RAI1: variants seen among roughly 807,000 people sequenced by gnomAD.
RAI1 encodes the protein retinoic acid induced 1, also known as retinoic acid-induced protein 1.
RAI1 carries 9 observed loss-of-function variants against 123.8 expected under a neutral mutation model. The ratio of observed to expected loss-of-function variants is 0.07; its 90% confidence interval spans 0.04 to 0.13. RAI1 has a LOEUF of 0.13. Among genes scored for constraint, RAI1 ranks in the 10% least tolerant of loss-of-function variants. The pLI is 1.00. For synonymous variants in RAI1, 1,231 were observed against 1,127.3 expected, an observed-to-expected ratio of 1.09 and a Z score of -1.84; for missense variants, 2,256 against 2,545.8, an observed-to-expected ratio of 0.89 and a Z score of 2.45.
chr17:17,725,653 C>G (rs569833042), intron 2 of RAI1, among the ~76,000 whole-genome samples: 1 of 152,034 alleles, frequency 6.6e-6, no homozygotes, highest in Admixed American at 6.5e-5. Context: ...GCTGGACTGG[C>G]GTTGCGGGGG....
chr17:17,741,941 C>T (rs140912689), intron 2 of RAI1, among the ~76,000 whole-genome samples: 26 of 152,364 alleles, frequency 1.7e-4, no homozygotes, highest in Middle Eastern at 6.8e-3. Flanking sequence ...TTTTATCAGA[C>T]GCTGCATATC....
chr17:17,707,251 C>G (rs545398593), intron 1 of RAI1, among the ~76,000 whole-genome samples: 3 of 152,194 alleles, frequency 2.0e-5, no homozygotes, highest in Non-Finnish European at 4.4e-5. Flanking sequence ...TTGAATCCAG[C>G]CTGGGTAACA....
At chr17:17,792,859 A>T in intron 2 of RAI1, 74 bp from the exon 3 acceptor site, 1 of 1,166,848 alleles carries the variant, frequency 8.6e-7, no homozygotes. Flanking sequence ...TGAATCGCTC[A>T]TCCTCTGCCC....
chr17:17,761,735 C>T (rs1053172209), intron 2 of RAI1, among the ~76,000 whole-genome samples: 2 of 152,082 alleles, frequency 1.3e-5, no homozygotes, highest in Non-Finnish European at 2.9e-5. Context: ...AATTTGGGAG[C>T]TGGGGAGGTG....
intron 2 of RAI1, among the ~76,000 whole-genome samples, chr17:17,773,421 T>A (rs1339783357): frequency 6.6e-6 from 1 of 152,114 alleles, no homozygotes; most frequent in Non-Finnish European, 1.5e-5. Context: ...GATGCCCTCC[T>A]CCATCCCTGC....
intron 2 of RAI1, among the ~76,000 whole-genome samples, chr17:17,765,631 G>A (rs780258839): frequency 1.9e-4 from 29 of 152,234 alleles, no homozygotes; most frequent in Non-Finnish European, 3.4e-4. Context: ...CCAGGTACAC[G>A]TGTGAGGAAT....
At chr17:17,699,205 G>T (rs948016234) in intron 1 of RAI1, among the ~76,000 whole-genome samples, 1 of 152,170 alleles carries the variant, frequency 6.6e-6, no homozygotes, top group Non-Finnish European at 1.5e-5. Context: ...GGCAGTATAT[G>T]TCTCCTCTTC....
intron 2 of RAI1, among the ~76,000 whole-genome samples, chr17:17,735,253 C>T (rs1352083541): frequency 6.6e-6 from 1 of 151,224 alleles, no homozygotes; most frequent in African/African-American, 2.4e-5. Context: ...GGGGTTTCAC[C>T]ATGTTGGTCA....
At chr17:17,694,012 TAGG>T (rs1314315554) in intron 1 of RAI1, among the ~76,000 whole-genome samples, 3 of 152,228 alleles carry the variant, frequency 2.0e-5, no homozygotes, top group Non-Finnish European at 4.4e-5. Flanking sequence ...CTCGCTGGCT[TAGG>T]AGGAGAGTCA....
At chr17:17,708,345 GC>G (rs1268531348) in intron 1 of RAI1, among the ~76,000 whole-genome samples, 1 of 152,112 alleles carries the variant, frequency 6.6e-6, no homozygotes, top group Non-Finnish European at 1.5e-5. Context: ...GTGCTAATCA[GC>G]CTAGATTGAA....
At chr17:17,694,811 G>A (rs1479200504) in intron 1 of RAI1, among the ~76,000 whole-genome samples, 1 of 150,860 alleles carries the variant, frequency 6.6e-6, no homozygotes, top group Non-Finnish European at 1.5e-5. Flanking sequence ...GGCCCGGCAT[G>A]CTTCGCGGGG....
intron 1 of RAI1, among the ~76,000 whole-genome samples, chr17:17,722,223 A>G (rs1039129636): frequency 6.6e-6 from 1 of 152,162 alleles, no homozygotes; most frequent in South Asian, 2.1e-4. Flanking sequence ...ATGGATGGAC[A>G]CGTGGATGGA....
At position 17,796,785 on chromosome 17, in the gene RAI1, C is replaced by G. The variant is rs2032274196; in HGVS notation, c.3837C>G (p.Ala1279=). 2 of 1,612,822 alleles carry G rather than the reference C, an allele frequency of 1.2e-6. No individual in the cohort carries two copies. Among genetic ancestry groups the G allele is most frequent in the Admixed American group, 3.3e-5 (2 of 59,996 alleles). The part of the protein sequence containing the change: ...LFKRMSSPKK[A]KPTKGNGEPA... Reference sequence around the variant, plus strand: ...AGAGGATGTCTTCTCCCAAGAAAGCCAAGCCCACCAAGGGCAATGGCGAGC... The same window carrying G: ...AGAGGATGTCTTCTCCCAAGAAAGCGAAGCCCACCAAGGGCAATGGCGAGC... Residue 1279 remains alanine (A), a synonymous_variant, in exon 3 of 6, where the codon GCC becomes GCG. Transcript: ENST00000353383. This position sits in a 1 kb window ranked among gnomAD's most constrained non-coding sequence, Gnocchi z 5.8.
chr17:17,766,198 T>G (rs1304317181), intron 2 of RAI1: 1 of 152,158 alleles, frequency 6.6e-6, no homozygotes, highest in East Asian at 1.9e-4. Flanking sequence ...ATGGCCTAGT[T>G]GTTACTTTGG....
At position 17,796,793 on chromosome 17, in the gene RAI1, C is replaced by T; in HGVS notation, c.3845C>T (p.Thr1282Ile). The T allele has an allele frequency of 6.2e-7, 1 of 1,612,726 alleles. No homozygotes were observed. Among genetic ancestry groups the T allele is most frequent in the Non-Finnish European group, 8.5e-7 (1 of 1,179,552 alleles). The part of the protein sequence containing the change: ...RMSSPKKAKP[T>I]KGNGEPATKL... The stretch of plus-strand genomic sequence containing the variant: ...TCTTCTCCCAAGAAAGCCAAGCCCA[C>T]CAAGGGCAATGGCGAGCCTGCCACA... Residue 1282 changes from threonine to isoleucine, a missense_variant, in exon 3 of 6, where the codon ACC becomes ATC. Thr to Ile is a moderately conservative substitution (Grantham distance 89, BLOSUM62 -1). This residue lies in a region of RAI1 where 322 missense variants were observed against 358.0 expected (regional missense o/e 0.90). Coordinates refer to ENST00000353383, the MANE Select transcript of RAI1 (RefSeq NM_030665.4). This position sits in a 1 kb window ranked among gnomAD's most constrained non-coding sequence, Gnocchi z 5.8.
chr17:17,786,811 C>T (rs1012368064), intron 2 of RAI1, among the ~76,000 whole-genome samples: 3 of 152,192 alleles, frequency 2.0e-5, no homozygotes, highest in African/African-American at 4.8e-5. Context: ...TGGTGGCTCA[C>T]GCCTGTAATC....
chr17:17,790,394 T>G (rs775202192), intron 2 of RAI1, among the ~76,000 whole-genome samples: 2 of 152,210 alleles, frequency 1.3e-5, no homozygotes, highest in African/African-American at 2.4e-5. Flanking sequence ...TGAACTGTCT[T>G]TTCTTAGCAA....
intron 1 of RAI1, among the ~76,000 whole-genome samples, chr17:17,700,599 A>G (rs1181847368): frequency 2.0e-5 from 3 of 152,148 alleles, no homozygotes; most frequent in East Asian, 3.9e-4. Context: ...GGACGGCCTT[A>G]ATTACCTGGA....
At position 17,794,395 on chromosome 17, in the gene RAI1, C is replaced by T; in HGVS notation, c.1447C>T (p.Pro483Ser). Residue 483 changes from proline to serine, a missense_variant, in exon 3 of 6, where the codon CCC becomes TCC. By Grantham distance (74) the Pro-to-Ser change is moderately conservative. This residue lies in a region of RAI1 where 357 missense variants were observed against 480.2 expected (regional missense o/e 0.74). Transcript: ENST00000353383. ...GCAGCATAAAAGCCAGCACTGCAGC[C>T]CCGAAGGGAGCGGCTACTCAGCCGA... ...PEQHKSQHCS[P>S]EGSGYSAEPA... 6.2e-7 allele frequency: 1 copy of T among 1,613,190 alleles called. No homozygotes were observed. The highest frequency in any genetic ancestry group is 8.5e-7 in the Non-Finnish European group (1 of 1,180,036).
Sources: allele counts gnomAD v4.1 joint callset (sites outside exome capture counted in the v4.1 genomes callset), GRCh38; gene constraint gnomAD v4.1.1; regional missense constraint gnomAD v4.1.1; non-coding constraint Gnocchi (gnomAD v3.1); transcripts MANE v1.5; gene names NCBI Gene and HGNC (gene_info 2026-07-23, HGNC 2026-07-21).